Variants in KIF27 observed in about 807,000 individuals in gnomAD.
The protein encoded by KIF27 is kinesin family member 27, also known as kinesin-like protein KIF27.
In KIF27, 84 loss-of-function variants were observed where a neutral mutation model predicts 141.8. The ratio of observed to expected loss-of-function variants is 0.59; its 90% confidence interval spans 0.50 to 0.71. The LOEUF (loss-of-function observed/expected upper bound fraction) is 0.71, where lower values mean the gene tolerates loss of function less well. KIF27 is among the 30% of genes least tolerant of loss of function. The pLI, the probability that KIF27 is intolerant of heterozygous loss-of-function variation, is 0.00. For missense variants in KIF27, 1,306 were observed against 1,628.4 expected, an observed-to-expected ratio of 0.80 and a Z score of 3.41; for synonymous variants, 471 against 569.5, an observed-to-expected ratio of 0.83 and a Z score of 2.46.
At chr9:83,878,161 C>CAAAAA (rs58897060) in intron 11 of KIF27, among the ~76,000 whole-genome samples, 3 of 38,476 alleles carry the variant, frequency 7.8e-5, no homozygotes, top group Non-Finnish European at 1.5e-4. Flanking sequence ...GACTCTGTCT[C>CAAAAA]AAAAAAAAAA....
intron 4 of KIF27, among the ~76,000 whole-genome samples, chr9:83,901,243 A>G (rs13297821): frequency 2.1e-3 from 317 of 152,338 alleles, no homozygotes; most frequent in Non-Finnish European, 3.4e-3. Context: ...TTACAGGCAT[A>G]AGCCACTGTG....
intron 11 of KIF27, among the ~76,000 whole-genome samples, chr9:83,872,384 C>T (rs1950870023): frequency 6.6e-6 from 1 of 152,174 alleles, no homozygotes; most frequent in East Asian, 1.9e-4. Flanking sequence ...ATGATGTTGT[C>T]CATCACTAAA....
At chr9:83,873,179 G>T (rs766639445) in intron 11 of KIF27, among the ~76,000 whole-genome samples, 1 of 152,188 alleles carries the variant, frequency 6.6e-6, no homozygotes, top group African/African-American at 2.4e-5. Flanking sequence ...ATCAAACTGC[G>T]AGTTATACCA....
Position 83,867,719 on chromosome 9 carries a change from T to C in KIF27, c.2899A>G (p.Ser967Gly). 1 of 1,606,960 alleles carries C rather than the reference T, an allele frequency of 6.2e-7. No individual in the cohort carries two copies. The highest frequency in any genetic ancestry group is 1.1e-5 in the South Asian group (1 of 89,272). ...SKKEALLQEK[S>G]HLENKKLRSS... ...CTCAATTTCTTATTTTCCAGGTGAC[T>C]CTTCTCCTGTAACAGAGCCTCCTTC... Residue 967 changes from serine to glycine, a missense_variant, in exon 13 of 18, where the codon AGT (serine) becomes GGT (glycine). By Grantham distance (56) the Ser-to-Gly change is moderately conservative (BLOSUM62 0). Around this residue, in one of 4 missense-constraint regions of KIF27, gnomAD observed 596 missense variants for 751.6 expected, o/e 0.79. Transcript: ENST00000297814.
In KIF27 at chr9:83,836,680, A is replaced by G. The variant is rs1945883466; in HGVS notation, c.*321T>C. On this transcript the variant is annotated 3_prime_UTR_variant, in exon 18 of 18. Transcript: ENST00000297814. ...TGATGTACATTTATATTATATAATA[A>G]TACATACTTGATAGATATTTTAGTC... 4.8e-6 allele frequency: 1 copy of G among 206,944 alleles called. No homozygotes were observed. Among genetic ancestry groups the G allele is most frequent in the African/African-American group, 2.3e-5 (1 of 42,622 alleles). 12.8% of individuals were successfully genotyped at this position (206,944 alleles called of 1,614,324 possible).
chr9:83,904,801 T>C (rs1954326716), intron 3 of KIF27, among the ~76,000 whole-genome samples: 1 of 152,110 alleles, frequency 6.6e-6, no homozygotes, highest in Admixed American at 6.5e-5. Context: ...CAAGCCATCC[T>C]TAGCTTTTAT....
Position 83,848,192 on chromosome 9 carries a change from A to ATATATCATATC in KIF27, c.3556+1906_3556+1907insGATATGATATA, listed in dbSNP as rs1564285522. ...ATCTGATATATCATATATGATATAT[A>ATATATCATATC]TGATATATCAGATATGATATATATG... On this transcript the variant is annotated intron_variant, in intron 16 of 17. Coordinates refer to ENST00000297814, the MANE Select transcript of KIF27 (RefSeq NM_017576.4). Among the ~76,000 whole-genome samples the ATATATCATATC allele has an allele frequency of 1.3e-3, 40 of 31,162 alleles. 6 individuals are homozygous for ATATATCATATC. Among genetic ancestry groups the ATATATCATATC allele is most frequent in the East Asian group, 8.1e-3 (13 of 1,610 alleles). The allele number at this position is 31,162 out of a possible 152,430, so 20.4% of individuals were successfully genotyped here. A position where few individuals can be genotyped will look rare whatever the true frequency, so the allele number is the denominator to read the frequency against.
chr9:83,839,801 G>A (rs1346875480), intron 17 of KIF27, among the ~76,000 whole-genome samples: 5 of 152,068 alleles, frequency 3.3e-5, no homozygotes, highest in African/African-American at 7.2e-5. Context: ...AAAATTAGCC[G>A]GGCCTGATGG....
intron 9 of KIF27, among the ~76,000 whole-genome samples, chr9:83,885,720 C>T (rs989208735): frequency 4.1e-4 from 62 of 152,244 alleles, no homozygotes; most frequent in African/African-American, 1.4e-3. Context: ...CAGCCTTGAC[C>T]TCTGGGGCTG....
At chr9:83,892,761 T>C (rs1369784989) in intron 5 of KIF27, among the ~76,000 whole-genome samples, 2 of 152,196 alleles carry the variant, frequency 1.3e-5, no homozygotes, top group African/African-American at 4.8e-5. Context: ...GGTGTAGCTA[T>C]AGTAATGTCA....
At chr9:83,889,958 T>C (rs1176326039) in intron 6 of KIF27, among the ~76,000 whole-genome samples, 1 of 152,190 alleles carries the variant, frequency 6.6e-6, no homozygotes, top group African/African-American at 2.4e-5. Context: ...AGAAATTGCC[T>C]TTATACCTTT....
chr9:83,863,226 G>A (rs930638811), intron 13 of KIF27, among the ~76,000 whole-genome samples: 1 of 152,158 alleles, frequency 6.6e-6, no homozygotes, highest in Admixed American at 6.5e-5. Context: ...AATAGGAGTG[G>A]TGAGAGAGGG....
rs767566257 is a variant in KIF27, at chr9:83,837,152, C to A, written c.4055G>T (p.Gly1352Val). 11 of 1,614,082 alleles carry A rather than the reference C, an allele frequency of 6.8e-6. No homozygotes were observed. In the South Asian group the frequency reaches 8.8e-5, roughly 13 times the overall value. ...TCGACACAGTTTTACAGGTGTGACA[C>A]CATGAAGTCGTCCCACATTTCCCAC... ...QVVGNVGRLH[G>V]VTPVKLCRKE... is the part of the protein sequence containing the mutation. The change falls in exon 18 of 18, where the codon GGT becomes GTT. Residue 1352 changes from glycine (G) to valine (V), a missense_variant. Around this residue, in one of 4 missense-constraint regions of KIF27, gnomAD observed 148 missense variants for 250.9 expected, o/e 0.59. Coordinates refer to ENST00000297814, the MANE Select transcript of KIF27 (RefSeq NM_017576.4).
In KIF27 at chr9:83,835,463, TC is replaced by T. The variant is rs1202252276; in HGVS notation, c.*1537del. Reference sequence around the variant, plus strand: ...TCATTCCCAGGTAAGTCCACAGAAATCTATTTAATTTAAATAAATTTTAGTA... The same window carrying T: ...TCATTCCCAGGTAAGTCCACAGAAATTATTTAATTTAAATAAATTTTAGTA... On this transcript the variant is annotated 3_prime_UTR_variant, in exon 18 of 18. Transcript: ENST00000297814. The T allele has an allele frequency of 1.2e-4, 18 of 152,224 alleles. No individual in the cohort carries two copies. The highest frequency in any genetic ancestry group is 9.8e-4 in the Admixed American group (15 of 15,282). The allele number at this position is 152,224 out of a possible 1,614,324, so 9.4% of individuals were successfully genotyped here. A position where few individuals can be genotyped will look rare whatever the true frequency, so the allele number is the denominator to read the frequency against.
chr9:83,869,030 C>G (rs1950570692), intron 12 of KIF27, among the ~76,000 whole-genome samples: 1 of 152,016 alleles, frequency 6.6e-6, no homozygotes, highest in Non-Finnish European at 1.5e-5. Flanking sequence ...TACAAACATT[C>G]TTAAACTGTG....
rs925188341 is a variant in KIF27 at position 83,836,537 on chromosome 9, C to T, written c.*464G>A. 2.0e-5 allele frequency among the ~76,000 whole-genome samples: 3 copies of T among 151,600 alleles called. No individual in the cohort carries two copies. The highest frequency in any genetic ancestry group is 4.4e-5 in the Non-Finnish European group (3 of 67,928). On this transcript the variant is annotated 3_prime_UTR_variant, in exon 18 of 18. Coordinates refer to ENST00000297814, the MANE Select transcript of KIF27 (RefSeq NM_017576.4). ...ATAAAGCTGAGAGGTTGTCTTAGCC[C>T]ACATATGCAGCAGGTGACTCCCTCT...
chr9:83,851,888 G>C (rs1948624163), intron 15 of KIF27, among the ~76,000 whole-genome samples: 1 of 152,144 alleles, frequency 6.6e-6, no homozygotes, highest in South Asian at 2.1e-4. Context: ...CCAGCACTTT[G>C]GGAGGCCGAG....
chr9:83,856,711 A>C (rs1313265751), intron 14 of KIF27, among the ~76,000 whole-genome samples: 1 of 148,290 alleles, frequency 6.7e-6, no homozygotes, highest in Non-Finnish European at 1.5e-5. Flanking sequence ...ACTGCACTCC[A>C]GCCTGGTGAC....
At chr9:83,887,583 C>A (rs1167471421) in intron 8 of KIF27, among the ~76,000 whole-genome samples, 18 of 152,120 alleles carry the variant, frequency 1.2e-4, no homozygotes, top group Admixed American at 1.2e-3. Flanking sequence ...CTATACCAGG[C>A]TACTCAGAGT....
Sources: allele counts gnomAD v4.1 joint callset (sites outside exome capture counted in the v4.1 genomes callset), GRCh38; gene constraint gnomAD v4.1.1; regional missense constraint gnomAD v4.1.1; transcripts MANE v1.5; gene names NCBI Gene and HGNC (gene_info 2026-07-23, HGNC 2026-07-21).